The following DLC1 variants were observed in gnomAD, a reference collection of about 807,000 sequenced individuals.
The protein encoded by DLC1 is DLC1 Rho GTPase activating protein.
Under a neutral mutation model 140.3 loss-of-function variants are expected in DLC1, and 54 were observed. The observed-to-expected ratio is 0.38, with a 90% CI of 0.31 to 0.48. The LOEUF is 0.48. Among genes scored for constraint, DLC1 ranks in the 20% least tolerant of loss-of-function variants. DLC1 has a pLI of 0.96. For missense variants in DLC1, 2,536 were observed against 1,907.0 expected, an observed-to-expected ratio of 1.33 and a Z score of -6.14; for synonymous variants, 986 against 728.1, an observed-to-expected ratio of 1.35 and a Z score of -5.70.
At chr8:13,153,488 T>G (rs961697135) in intron 5 of DLC1, among the ~76,000 whole-genome samples, 1 of 152,220 alleles carries the variant, frequency 6.6e-6, no homozygotes, top group African/African-American at 2.4e-5. Flanking sequence ...TTCCACAGTG[T>G]GGAAAACGAC....
intron 1 of DLC1, among the ~76,000 whole-genome samples, chr8:13,549,486 T>C (rs1803773021): frequency 6.6e-6 from 1 of 152,118 alleles, no homozygotes; most frequent in Non-Finnish European, 1.5e-5. Context: ...CCATCTGTGC[T>C]TCCACATTTT....
At position 13,387,674 on chromosome 8, in the gene DLC1, A is replaced by G. The variant is rs189642398; in HGVS notation, c.1314+5879T>C. The stretch of plus-strand genomic sequence containing the variant: ...TTTTGGATCAGTTTTATTTTTGCTT[A>G]TATGTGGTATAGTTGGAACAAATGC... On this transcript the variant is annotated intron_variant, in intron 4 of 17. Transcript: ENST00000276297. Among the ~76,000 whole-genome samples, 75 of 152,156 alleles carry G rather than the reference A, an allele frequency of 4.9e-4. 1 individual carries two copies. Among genetic ancestry groups the G allele is most frequent in the East Asian group, 1.9e-3 (10 of 5,178 alleles).
chr8:13,086,396 C>T lies in DLC1; in HGVS notation c.4360G>A (p.Ala1454Thr), dbSNP rs367679746. Residue 1454 changes from alanine to threonine, a missense_variant, in exon 17 of 18, where the codon GCA becomes ACA. By Grantham distance (58) the Ala-to-Thr change is moderately conservative (BLOSUM62 0). Transcript: ENST00000276297. ...TTAACCCTCACACCCACCACAGGTG[C>T]GCGATCGTGATCCACAGAGGTTAGT... ...LLLTSVDHDR[A>T]PVVGVRVNVL... 83 of 1,614,224 alleles carry T rather than the reference C, an allele frequency of 5.1e-5. No homozygotes were observed. Among genetic ancestry groups the T allele is most frequent in the South Asian group, 3.1e-4 (28 of 91,086 alleles).
chr8:13,185,723 T>C (rs1046806293), intron 5 of DLC1, among the ~76,000 whole-genome samples: 1 of 152,206 alleles, frequency 6.6e-6, no homozygotes, highest in Non-Finnish European at 1.5e-5. Context: ...CATTAATTAA[T>C]GTAGTTTCTG....
intron 1 of DLC1, among the ~76,000 whole-genome samples, chr8:13,532,217 C>T (rs1803122217): frequency 6.6e-6 from 1 of 152,160 alleles, no homozygotes; most frequent in Non-Finnish European, 1.5e-5. Context: ...TTGCAGTGAG[C>T]TGTGACCATA....
At chr8:13,346,656 C>T (rs1834356439) in intron 4 of DLC1, among the ~76,000 whole-genome samples, 1 of 152,224 alleles carries the variant, frequency 6.6e-6, no homozygotes, top group Non-Finnish European at 1.5e-5. Context: ...ATCTCATTGT[C>T]CAGGCCGGGG....
intron 2 of DLC1, among the ~76,000 whole-genome samples, chr8:13,448,173 T>A (rs1739005693): frequency 6.6e-6 from 1 of 152,156 alleles, no homozygotes; most frequent in Non-Finnish European, 1.5e-5. Flanking sequence ...TCCAGGTGAC[T>A]CACTGCCATT....
At chr8:13,474,585 C>A (rs908385135) in intron 2 of DLC1, among the ~76,000 whole-genome samples, 1 of 152,124 alleles carries the variant, frequency 6.6e-6, no homozygotes, top group Non-Finnish European at 1.5e-5. Flanking sequence ...AACACCAGCC[C>A]GTGAAAGCAG....
At chr8:13,396,823 C>G (rs1837064423) in intron 3 of DLC1, among the ~76,000 whole-genome samples, 1 of 152,134 alleles carries the variant, frequency 6.6e-6, no homozygotes, top group Non-Finnish European at 1.5e-5. Flanking sequence ...AAAGCTCTCC[C>G]AAAATCTCTC....
chr8:13,377,340 T>A lies in DLC1; in HGVS notation c.1314+16213A>T, dbSNP rs539235163. Among the ~76,000 whole-genome samples, 14 of 152,346 alleles carry A rather than the reference T, an allele frequency of 9.2e-5. No homozygotes were observed. In the South Asian group the frequency reaches 2.9e-3, roughly 32 times the overall value. ...ACTAGCCCTTTAAATTACATATCCT[T>A]TGATAAATAATCTAAAGATGGTCAC... On this transcript the variant is annotated intron_variant, in intron 4 of 17. Coordinates refer to ENST00000276297, the MANE Select transcript of DLC1 (RefSeq NM_182643.3).
At chr8:13,588,852 C>A (rs893464177) in intron 1 of DLC1, among the ~76,000 whole-genome samples, 1 of 151,930 alleles carries the variant, frequency 6.6e-6, no homozygotes, top group Admixed American at 6.6e-5. Flanking sequence ...TATGGGAGTT[C>A]TTTTGTTTTG....
At chr8:13,234,177 T>G (rs1362492534) in intron 5 of DLC1, among the ~76,000 whole-genome samples, 1 of 152,102 alleles carries the variant, frequency 6.6e-6, no homozygotes, top group African/African-American at 2.4e-5. Flanking sequence ...TTTTAAAAAT[T>G]TAGGAAATAC....
chr8:13,311,910 ACT>A (rs1226036071), intron 4 of DLC1, among the ~76,000 whole-genome samples: 5 of 152,004 alleles, frequency 3.3e-5, no homozygotes, highest in Admixed American at 2.0e-4. Flanking sequence ...AAAGCTGGTG[ACT>A]CTGTCTTCAA....
intron 1 of DLC1, among the ~76,000 whole-genome samples, chr8:13,561,759 G>A (rs1804251753): frequency 6.6e-6 from 1 of 151,992 alleles, no homozygotes; most frequent in Admixed American, 6.6e-5. Context: ...ACAGAACTAT[G>A]ATAAATTTTA....
intron 2 of DLC1, among the ~76,000 whole-genome samples, chr8:13,441,231 G>C (rs1029448864): frequency 9.2e-5 from 14 of 152,174 alleles, no homozygotes; most frequent in Admixed American, 8.5e-4. Context: ...AGCTATCTAT[G>C]ACAAACCCAC....
At chr8:13,160,807 C>T (rs962038924) in intron 5 of DLC1, among the ~76,000 whole-genome samples, 6 of 152,122 alleles carry the variant, frequency 3.9e-5, no homozygotes, top group Non-Finnish European at 7.4e-5. Flanking sequence ...AAGGTGGAGC[C>T]GGGCGTGGTG....
chr8:13,092,048 C>T (rs1364428647), intron 13 of DLC1, among the ~76,000 whole-genome samples: 3 of 152,124 alleles, frequency 2.0e-5, no homozygotes, highest in African/African-American at 7.2e-5. Context: ...AGCTCGAGAC[C>T]AGCCTGGCCA....
intron 5 of DLC1, among the ~76,000 whole-genome samples, chr8:13,187,969 C>A (rs773523652): frequency 1.1e-4 from 17 of 152,034 alleles, no homozygotes; most frequent in Non-Finnish European, 1.9e-4. Flanking sequence ...TCTTTTCCTC[C>A]TTCTTTTTAA....
intron 5 of DLC1, among the ~76,000 whole-genome samples, chr8:13,298,212 G>T (rs570300929): frequency 1.3e-5 from 2 of 152,172 alleles, no homozygotes; most frequent in Admixed American, 1.3e-4. Flanking sequence ...TAAGCTCCAG[G>T]CAGGAGAATA....
Sources: gnomAD v4.1 joint callset for allele counts (sites outside exome capture counted in the v4.1 genomes callset) on GRCh38, gnomAD v4.1.1 for gene constraint, MANE v1.5 for transcripts, NCBI Gene and HGNC (gene_info 2026-07-23, HGNC 2026-07-21) for gene names.